The following RXFP1 variants were observed in gnomAD, a reference collection of about 807,000 sequenced individuals.
RXFP1 encodes relaxin family peptide receptor 1.
A neutral mutation model predicts 89.8 loss-of-function variants in RXFP1; 73 were observed. The ratio of observed to expected loss-of-function variants is 0.81; its 90% CI spans 0.67 to 0.99. The LOEUF is 0.99. RXFP1 is among the 50% of genes least tolerant of loss of function. RXFP1 has a pLI of 0.00. For missense variants in RXFP1, 793 were observed against 895.5 expected, an observed-to-expected ratio of 0.89 and a Z score of 1.46; for synonymous variants, 277 against 305.5, an observed-to-expected ratio of 0.91 and a Z score of 0.97.
At chr4:158,547,134 A>T (rs1338885633) in intron 1 of RXFP1, among the ~76,000 whole-genome samples, 2 of 151,876 alleles carry the variant, frequency 1.3e-5, no homozygotes, top group Admixed American at 1.3e-4. Context: ...AAAGTCTGTT[A>T]TTGGTCTATT....
At chr4:158,543,780 T>G (rs1371481307) in intron 1 of RXFP1, 1 of 985,048 alleles carries the variant, frequency 1.0e-6, no homozygotes, top group Non-Finnish European at 1.2e-6. Context: ...CCACCTAGAA[T>G]CAAATAGTAT....
At chr4:158,648,457 A>T (rs1451055510) in intron 16 of RXFP1, 42 bp from the exon 17 acceptor site, 4 of 1,186,254 alleles carry the variant, frequency 3.4e-6, no homozygotes, top group Non-Finnish European at 4.8e-6. Context: ...TTTTGAAAGA[A>T]ATATTTCTAT....
At chr4:158,575,052 T>C (rs897259732) in intron 2 of RXFP1, among the ~76,000 whole-genome samples, 1 of 152,068 alleles carries the variant, frequency 6.6e-6, no homozygotes, top group African/African-American at 2.4e-5. Flanking sequence ...CCAATTAAAA[T>C]GGCAGCTGGA....
At chr4:158,531,185 G>A (rs1743962126) in intron 1 of RXFP1, among the ~76,000 whole-genome samples, 1 of 152,082 alleles carries the variant, frequency 6.6e-6, no homozygotes, top group Non-Finnish European at 1.5e-5. Context: ...CCAAGTGCAT[G>A]CCACCATGCC....
At chr4:158,536,025 C>T (rs1560960654) in intron 1 of RXFP1, among the ~76,000 whole-genome samples, 2 of 152,142 alleles carry the variant, frequency 1.3e-5, no homozygotes, top group African/African-American at 2.4e-5. Flanking sequence ...TGCTTATACA[C>T]GGTTATTTGA....
At chr4:158,626,738 T>C in intron 9 of RXFP1, 82 bp from the exon 10 acceptor site, 1 of 830,546 alleles carries the variant, frequency 1.2e-6, no homozygotes, top group Non-Finnish European at 1.9e-6. Context: ...AAAGATATTT[T>C]ATTAGAAGGC....
At chr4:158,578,432 C>T (rs1756686718) in intron 2 of RXFP1, among the ~76,000 whole-genome samples, 1 of 152,172 alleles carries the variant, frequency 6.6e-6, no homozygotes, top group Non-Finnish European at 1.5e-5. Flanking sequence ...GGGTAAATAA[C>T]AAAGGAACCT....
intron 1 of RXFP1, among the ~76,000 whole-genome samples, chr4:158,569,818 G>A (rs571287088): frequency 6.6e-6 from 1 of 152,194 alleles, no homozygotes; most frequent in Admixed American, 6.5e-5. Context: ...GTTGGTGGGG[G>A]GTGGGGATAA....
At chr4:158,542,622 G>C (rs1439893544) in intron 1 of RXFP1, among the ~76,000 whole-genome samples, 1 of 152,176 alleles carries the variant, frequency 6.6e-6, no homozygotes, top group Non-Finnish European at 1.5e-5. Context: ...TTGTCAGCCA[G>C]TCTTCAAACA....
At chr4:158,635,457 C>A (rs1768948683) in intron 12 of RXFP1, among the ~76,000 whole-genome samples, 2 of 152,154 alleles carry the variant, frequency 1.3e-5, no homozygotes, top group African/African-American at 4.8e-5. Context: ...ATTACATCAC[C>A]TGTAAACAGA....
chr4:158,540,911 G>A (rs1316704910), intron 1 of RXFP1, among the ~76,000 whole-genome samples: 2 of 152,076 alleles, frequency 1.3e-5, no homozygotes, highest in Non-Finnish European at 2.9e-5. Context: ...AAGCCTCTTT[G>A]ATTTTGCTGA....
intron 9 of RXFP1, among the ~76,000 whole-genome samples, chr4:158,625,979 C>G (rs1766618159): frequency 6.6e-6 from 1 of 152,050 alleles, no homozygotes; most frequent in Non-Finnish European, 1.5e-5. Flanking sequence ...AGAGTAACTT[C>G]AAGATAACCA....
intron 1 of RXFP1, among the ~76,000 whole-genome samples, chr4:158,567,951 C>T (rs140212053): frequency 1.2e-3 from 179 of 152,332 alleles, no homozygotes; most frequent in Admixed American, 3.4e-3. Flanking sequence ...CTTGCAGCTG[C>T]TCACGCTTTG....
chr4:158,557,598 C>T (rs1357299448), intron 1 of RXFP1, among the ~76,000 whole-genome samples: 2 of 152,274 alleles, frequency 1.3e-5, no homozygotes, highest in East Asian at 3.9e-4. Context: ...TTCCTGGGCT[C>T]CAAGGAATCC....
At chr4:158,588,470 C>T (rs2150051929) in intron 2 of RXFP1, among the ~76,000 whole-genome samples, 1 of 152,282 alleles carries the variant, frequency 6.6e-6, no homozygotes, top group African/African-American at 2.4e-5. Flanking sequence ...ATCATGGCTG[C>T]GACTGACAAC....
chr4:158,533,240 C>T (rs771497622), intron 1 of RXFP1, among the ~76,000 whole-genome samples: 10 of 152,180 alleles, frequency 6.6e-5, no homozygotes, highest in Non-Finnish European at 1.3e-4. Context: ...GACTCTAAAG[C>T]TTTGGAATTT....
chr4:158,539,786 G>A (rs1466889622), intron 1 of RXFP1, among the ~76,000 whole-genome samples: 1 of 152,098 alleles, frequency 6.6e-6, no homozygotes, highest in Non-Finnish European at 1.5e-5. Flanking sequence ...AGCTAACCGT[G>A]TCCAGTAAAA....
At chr4:158,559,546 C>T (rs1077094) in intron 1 of RXFP1, among the ~76,000 whole-genome samples, 106,492 of 151,990 alleles carry the variant, frequency 0.7, 42,419 homozygotes, top group East Asian at 0.97. Flanking sequence ...TTCCCCTATA[C>T]CAGGAATAGA....
At chr4:158,646,692 A>T in intron 15 of RXFP1, 99 bp from the exon 16 acceptor site, 1 of 1,474,070 alleles carries the variant, frequency 6.8e-7, no homozygotes, top group Non-Finnish European at 9.0e-7. Flanking sequence ...GTTGGAAGAA[A>T]CTTGACTATT....
Sources: gnomAD v4.1 joint callset for allele counts (sites outside exome capture counted in the v4.1 genomes callset) on GRCh38, gnomAD v4.1.1 for gene constraint, MANE v1.5 for transcripts, NCBI Gene and HGNC (gene_info 2026-07-23, HGNC 2026-07-21) for gene names.